Variants in ACSF3 observed in about 807,000 individuals in gnomAD.
The protein encoded by ACSF3 is malonate--CoA ligase ACSF3, mitochondrial.
ACSF3 carries 78 observed loss-of-function variants against 53.2 expected under a neutral mutation model. That is an observed-to-expected ratio of 1.47 (90% CI 1.22 to 1.77). The LOEUF (loss-of-function observed/expected upper bound fraction) is 1.77. Among genes scored for constraint, ACSF3 ranks in the 40% most tolerant of loss-of-function variants. ACSF3 has a pLI of 0.00. For synonymous variants in ACSF3, 414 were observed against 333.1 expected (o/e 1.24, Z -2.65); for missense variants, 937 against 771.1 (o/e 1.22, Z -2.55).
chr16:89,106,759 T>C (rs1033913144), intron 4 of ACSF3, among the ~76,000 whole-genome samples: 4 of 152,232 alleles, frequency 2.6e-5, no homozygotes, highest in Admixed American at 2.0e-4. Flanking sequence ...TGTGGAAGAA[T>C]GTGTAGGATA....
rs536593488 is a variant in ACSF3 at position 89,120,792 on chromosome 16, C to T, written c.1127-9C>T. The T allele has an allele frequency of 1.7e-5, 27 of 1,613,380 alleles. 1 individual carries two copies. In the South Asian group the frequency reaches 2.6e-4, roughly 16 times the overall value. ...CAGCCTCCCCTTCAGTGTTTCTCCT[C>T]TCCTGTAGGTTCCGTGGGGACCCCA... is the stretch of plus-strand genomic sequence containing the variant. On this transcript the variant is annotated splice_polypyrimidine_tract_variant and intron_variant, in intron 6 of 10. Transcript: ENST00000614302.
intron 7 of ACSF3, among the ~76,000 whole-genome samples, chr16:89,123,947 G>A (rs181242552): frequency 4.6e-5 from 7 of 151,902 alleles, no homozygotes; most frequent in Non-Finnish European, 8.8e-5. Context: ...ACAGATACAC[G>A]CAGTGTGCAC....
intron 7 of ACSF3, among the ~76,000 whole-genome samples, chr16:89,126,970 A>G (rs1353175779): frequency 6.7e-6 from 1 of 149,368 alleles, no homozygotes; most frequent in African/African-American, 2.5e-5. Context: ...TATGTTGAAT[A>G]TTTTCAAAAA....
intron 8 of ACSF3, among the ~76,000 whole-genome samples, chr16:89,135,684 C>T (rs1165776417): frequency 6.6e-6 from 1 of 152,242 alleles, no homozygotes; most frequent in Non-Finnish European, 1.5e-5. Flanking sequence ...ATTACAGGAA[C>T]CGGACTTGAG....
intron 8 of ACSF3, among the ~76,000 whole-genome samples, chr16:89,142,831 G>C (rs1315845558): frequency 2.0e-5 from 3 of 152,202 alleles, no homozygotes; most frequent in Non-Finnish European, 4.4e-5. Flanking sequence ...CTAAGGAGAC[G>C]GGGTCTCGCA....
chr16:89,120,215 G>C (rs750605937), intron 6 of ACSF3, among the ~76,000 whole-genome samples: 1 of 152,380 alleles, frequency 6.6e-6, no homozygotes, highest in South Asian at 2.1e-4. Flanking sequence ...GTGCAGGTGG[G>C]ATGGATACAC....
rs1456126714 is a variant in ACSF3, at chr16:89,134,965, C to T, written c.1366+1703C>T. On this transcript the variant is annotated intron_variant, in intron 8 of 10. Coordinates refer to ENST00000614302, the MANE Select transcript of ACSF3 (RefSeq NM_001243279.3). ...GGTGGACATTTGGAGAGTGGACACA[C>T]GTGGTTGTGTGGCTGCAGGTACTCA... Among the ~76,000 whole-genome samples the T allele has an allele frequency of 3.3e-5, 5 of 151,856 alleles. No individual in the cohort carries two copies. The South Asian group carries it at 6.2e-4, about 19-fold the overall frequency.
chr16:89,145,349 G>T lies in ACSF3; in HGVS notation c.1449G>T (p.Lys483Asn). ...SVDIIKTGGY[K>N]VSALEVEWHL... ...ACATCATCAAGACTGGAGGCTACAAGGTCAGCGCCCTGGAGGTGGAGTGGC... is the reference window on the plus strand; with the variant it reads ...ACATCATCAAGACTGGAGGCTACAATGTCAGCGCCCTGGAGGTGGAGTGGC... Residue 483 changes from lysine to asparagine, a missense_variant, in exon 9 of 11, where the codon AAG (lysine) becomes AAT (asparagine). Coordinates refer to ENST00000614302, the MANE Select transcript of ACSF3 (RefSeq NM_001243279.3). 6.2e-7 allele frequency: 1 copy of T among 1,614,210 alleles called. No individual in the cohort carries two copies. Among genetic ancestry groups the T allele is most frequent in the African/African-American group, 1.3e-5 (1 of 75,062 alleles).
rs531219965 is a variant in ACSF3 at position 89,136,711 on chromosome 16, C to T, written c.1366+3449C>T. 49 of 1,287,268 alleles carry T rather than the reference C, an allele frequency of 3.8e-5. No individual in the cohort carries two copies. In the African/African-American group the frequency reaches 5.8e-4, roughly 15 times the overall value. 79.7% of individuals were successfully genotyped at this position (1,287,268 alleles called of 1,614,324 possible). A position where few individuals can be genotyped will look rare whatever the true frequency, so the allele number is the denominator to read the frequency against. On this transcript the variant is annotated intron_variant, in intron 8 of 10. Coordinates refer to ENST00000614302, the MANE Select transcript of ACSF3 (RefSeq NM_001243279.3). ...GTTGCCAGCTTTGATGCCAGCCGCTCCTGCCTCCCCCACCTGCCTCTGTGC... is the reference window on the plus strand; with the variant it reads ...GTTGCCAGCTTTGATGCCAGCCGCTTCTGCCTCCCCCACCTGCCTCTGTGC...
At chr16:89,127,719 A>G (rs967396650) in intron 7 of ACSF3, among the ~76,000 whole-genome samples, 2 of 152,172 alleles carry the variant, frequency 1.3e-5, no homozygotes, top group African/African-American at 4.8e-5. Context: ...TTTAGTGCTT[A>G]TAGGACTGTT....
intron 8 of ACSF3, chr16:89,141,401 G>T: frequency 9.4e-7 from 1 of 1,067,214 alleles, no homozygotes; most frequent in Non-Finnish European, 1.2e-6. Flanking sequence ...TCAGGGCTGG[G>T]AGGGAAGCAG....
At chr16:89,128,709 C>T (rs1425083851) in intron 7 of ACSF3, among the ~76,000 whole-genome samples, 2 of 152,052 alleles carry the variant, frequency 1.3e-5, no homozygotes, top group East Asian at 3.8e-4. Flanking sequence ...TTACTGATTT[C>T]TAGTTTAAGT....
intron 5 of ACSF3, chr16:89,113,271 G>A (rs975233422): frequency 2.0e-5 from 3 of 151,938 alleles, no homozygotes; most frequent in Non-Finnish European, 2.9e-5. Context: ...TGGCTGCCGC[G>A]CGCTCCTCCC....
chr16:89,150,806 C>G, intron 10 of ACSF3: 1 of 382,926 alleles, frequency 2.6e-6, no homozygotes, highest in Non-Finnish European at 4.9e-6. Flanking sequence ...CAGCTACCTC[C>G]CCTGCAGCCC....
intron 7 of ACSF3, among the ~76,000 whole-genome samples, chr16:89,132,598 C>G (rs994323680): frequency 6.6e-6 from 1 of 152,262 alleles, no homozygotes; most frequent in African/African-American, 2.4e-5. Context: ...GCCCCACCTT[C>G]CCTTCCCACG....
intron 7 of ACSF3, among the ~76,000 whole-genome samples, chr16:89,121,147 G>A (rs1944655596): frequency 6.6e-6 from 1 of 152,268 alleles, no homozygotes; most frequent in African/African-American, 2.4e-5. Flanking sequence ...GGGAGCCCAG[G>A]GCGGAACGCC....
chr16:89,106,958 G>A (rs760515579), intron 4 of ACSF3, among the ~76,000 whole-genome samples: 5 of 152,216 alleles, frequency 3.3e-5, no homozygotes, highest in Admixed American at 3.3e-4. Flanking sequence ...CACCACTGAC[G>A]AGACAGCCAG....
In ACSF3 at chr16:89,133,167, A is replaced by G; in HGVS notation, c.1271A>G (p.Glu424Gly). The change falls in exon 8 of 11, where the codon GAG (glutamate) becomes GGG (glycine). Residue 424 changes from glutamate to glycine, a missense_variant. Coordinates refer to ENST00000614302, the MANE Select transcript of ACSF3 (RefSeq NM_001243279.3). Reference protein sequence around the residue: ...VTPGFEEKEGELLVRGPSVFR... With the variant: ...VTPGFEEKEGGLLVRGPSVFR... Reference sequence around the variant, plus strand: ...CCAGGGTTTGAAGAAAAGGAGGGGGAGCTGCTGGTGAGGGGACCCTCCGTG... The same window carrying G: ...CCAGGGTTTGAAGAAAAGGAGGGGGGGCTGCTGGTGAGGGGACCCTCCGTG... The G allele has an allele frequency of 2.5e-6, 4 of 1,613,938 alleles. No homozygotes were observed. The highest frequency in any genetic ancestry group is 3.4e-6 in the Non-Finnish European group (4 of 1,179,970).
intron 7 of ACSF3, among the ~76,000 whole-genome samples, chr16:89,131,367 C>G (rs369183686): frequency 4.6e-5 from 7 of 152,028 alleles, no homozygotes; most frequent in Non-Finnish European, 7.4e-5. Flanking sequence ...CTCAAGCAGT[C>G]TGCCCGCCTC....
Sources: allele counts gnomAD v4.1 joint callset (sites outside exome capture counted in the v4.1 genomes callset), GRCh38; gene constraint gnomAD v4.1.1; transcripts MANE v1.5; gene names NCBI Gene and HGNC (gene_info 2026-07-23, HGNC 2026-07-21).